Variants in WWP2 observed in about 807,000 individuals in gnomAD.
WWP2 encodes NEDD4-like E3 ubiquitin-protein ligase WWP2.
In WWP2, 57 loss-of-function variants were observed where a neutral mutation model predicts 121.0. That is an observed-to-expected ratio of 0.47 (90% CI 0.38 to 0.59). WWP2 has a LOEUF of 0.59. WWP2 is among the 20% of genes least tolerant of loss of function. The pLI is 0.00. For missense variants in WWP2, 962 were observed against 1,158.9 expected, an observed-to-expected ratio of 0.83 and a Z score of 2.47; for synonymous variants, 449 against 441.3, an observed-to-expected ratio of 1.02 and a Z score of -0.22.
chr16:69,762,996 C>T (rs2038649187), intron 1 of WWP2, among the ~76,000 whole-genome samples: 1 of 152,096 alleles, frequency 6.6e-6, no homozygotes, highest in African/African-American at 2.4e-5. Flanking sequence ...TCTTGGGAGC[C>T]TAGCCCTTCA....
At chr16:69,810,547 C>G (rs2056371232) in intron 4 of WWP2, among the ~76,000 whole-genome samples, 1 of 149,228 alleles carries the variant, frequency 6.7e-6, no homozygotes, top group Non-Finnish European at 1.5e-5. Flanking sequence ...CCTGCCTCAG[C>G]CTCCCGAGTA....
chr16:69,809,676 G>A (rs1790665052), intron 4 of WWP2, among the ~76,000 whole-genome samples: 1 of 152,184 alleles, frequency 6.6e-6, no homozygotes, highest in African/African-American at 2.4e-5. Context: ...GCTGAGGCAG[G>A]AGAATCACTT....
chr16:69,782,680 C>G (rs945558391), intron 1 of WWP2, among the ~76,000 whole-genome samples: 1 of 152,190 alleles, frequency 6.6e-6, no homozygotes, highest in African/African-American at 2.4e-5. Context: ...TCTAGAAAAA[C>G]TAGCCACTTT....
intron 4 of WWP2, among the ~76,000 whole-genome samples, chr16:69,829,476 G>A (rs554387762): frequency 6.5e-4 from 99 of 152,224 alleles, no homozygotes; most frequent in East Asian, 4.1e-3. Context: ...GTCCAGCCCC[G>A]TTCATCTCTG....
intron 8 of WWP2, among the ~76,000 whole-genome samples, chr16:69,906,526 T>A (rs893032064): frequency 6.6e-6 from 1 of 152,220 alleles, no homozygotes; most frequent in Non-Finnish European, 1.5e-5. Context: ...ACTTTTTTCT[T>A]CATATACAGT....
At chr16:69,872,483 G>A (rs1417564907) in intron 7 of WWP2, among the ~76,000 whole-genome samples, 3 of 152,308 alleles carry the variant, frequency 2.0e-5, no homozygotes, top group African/African-American at 4.8e-5. Flanking sequence ...CCAAAGTTCT[G>A]GGATTACAGA....
intron 9 of WWP2, among the ~76,000 whole-genome samples, chr16:69,915,016 G>A (rs1455715895): frequency 6.6e-6 from 1 of 152,168 alleles, no homozygotes; most frequent in African/African-American, 2.4e-5. Context: ...GGAGGAGAAG[G>A]GAAGGCAAGT....
At chr16:69,809,810 T>G (rs1275461116) in intron 4 of WWP2, among the ~76,000 whole-genome samples, 26 of 128,044 alleles carry the variant, frequency 2.0e-4, no homozygotes, top group Non-Finnish European at 2.9e-4. Context: ...GAGAGAGAGA[T>G]AGGAAGGAAG....
intron 2 of WWP2, among the ~76,000 whole-genome samples, chr16:69,794,522 C>A (rs1258716090): frequency 6.6e-6 from 1 of 150,980 alleles, no homozygotes; most frequent in Non-Finnish European, 1.5e-5. Context: ...GAGGGAGACC[C>A]GGTCTCAAAA....
intron 6 of WWP2, among the ~76,000 whole-genome samples, chr16:69,853,358 C>T (rs1311105171): frequency 6.6e-6 from 1 of 152,162 alleles, no homozygotes; most frequent in East Asian, 1.9e-4. Flanking sequence ...GCCCTTGCAA[C>T]CGCTTTATGT....
intron 6 of WWP2, 53 bp downstream of exon 6, chr16:69,842,173 G>A: frequency 6.4e-7 from 1 of 1,550,714 alleles, no homozygotes; most frequent in Non-Finnish European, 8.8e-7. Context: ...TAGAGCTATT[G>A]AAAACATGTT....
chr16:69,861,229 G>T (rs1014413722), intron 6 of WWP2, among the ~76,000 whole-genome samples: 3 of 152,218 alleles, frequency 2.0e-5, no homozygotes, highest in African/African-American at 7.2e-5. Context: ...CGTTGAGCAG[G>T]TGAACACTTC....
At chr16:69,900,200 C>A (rs994847356) in intron 8 of WWP2, among the ~76,000 whole-genome samples, 1 of 152,150 alleles carries the variant, frequency 6.6e-6, no homozygotes, top group Non-Finnish European at 1.5e-5. Flanking sequence ...AATAATTAAA[C>A]GGTATTCACA....
chr16:69,934,905 G>C (rs919730280), intron 17 of WWP2, among the ~76,000 whole-genome samples: 1 of 152,170 alleles, frequency 6.6e-6, no homozygotes, highest in South Asian at 2.1e-4. Context: ...TGCCGTTCAC[G>C]CCACGCTGCC....
At position 69,937,625 on chromosome 16, in the gene WWP2, C is replaced by G; in HGVS notation, c.2316C>G (p.Asn772Lys). Residue 772 changes from asparagine (N) to lysine (K), a missense_variant, in exon 21 of 24, where the codon AAC becomes AAG. Around this residue, in one of 3 missense-constraint regions of WWP2, gnomAD observed 606 missense variants for 772.6 expected, o/e 0.78. Coordinates refer to ENST00000359154, the MANE Select transcript of WWP2 (RefSeq NM_001270454.2). The surrounding 1 kb of genome is among the most constrained non-coding windows in gnomAD (Gnocchi z 6.6). ...CCATCTACCGGCACTACACCAAGAA[C>G]AGCAAGCAGATCCAGTGGTTCTGGC... ...KSTIYRHYTK[N>K]SKQIQWFWQV... 6.2e-7 allele frequency: 1 copy of G among 1,614,048 alleles called. No homozygotes were observed. Among genetic ancestry groups the G allele is most frequent in the Non-Finnish European group, 8.5e-7 (1 of 1,180,014 alleles).
chr16:69,800,460 A>G (rs1597688945), intron 4 of WWP2, among the ~76,000 whole-genome samples: 1 of 152,204 alleles, frequency 6.6e-6, no homozygotes, highest in African/African-American at 2.4e-5. Context: ...TGCCCAGCCA[A>G]TATACTTTTG....
chr16:69,866,253 T>A (rs772827651), intron 6 of WWP2, among the ~76,000 whole-genome samples: 2 of 151,474 alleles, frequency 1.3e-5, no homozygotes, highest in Non-Finnish European at 2.9e-5. Flanking sequence ...AAATGCTTTT[T>A]AAAAAAAGGT....
chr16:69,849,154 G>A (rs1445826933), intron 6 of WWP2, among the ~76,000 whole-genome samples: 1 of 152,208 alleles, frequency 6.6e-6, no homozygotes, highest in African/African-American at 2.4e-5. Flanking sequence ...TCAGGCGGGT[G>A]TGAGTCCACT....
intron 1 of WWP2, among the ~76,000 whole-genome samples, chr16:69,780,366 A>T (rs2055638862): frequency 6.6e-6 from 1 of 151,186 alleles, no homozygotes; most frequent in Admixed American, 6.6e-5. Context: ...ATATCAATTT[A>T]TCCATTCCCC....
Sources: gnomAD v4.1 joint callset for allele counts (sites outside exome capture counted in the v4.1 genomes callset) on GRCh38, gnomAD v4.1.1 for gene constraint, gnomAD v4.1.1 regional missense constraint, Gnocchi (gnomAD v3.1) non-coding constraint, MANE v1.5 for transcripts, NCBI Gene and HGNC (gene_info 2026-07-23, HGNC 2026-07-21) for gene names.